HIRA: variants seen among roughly 807,000 people sequenced by gnomAD.
HIRA encodes histone cell cycle regulator, also known as protein HIRA.
In HIRA, 13 loss-of-function variants were observed where a neutral mutation model predicts 126.6. The ratio of observed to expected loss-of-function variants is 0.10; its 90% CI spans 0.07 to 0.16. HIRA has a LOEUF of 0.16. Ranked by LOEUF, HIRA falls within the 10% of genes least tolerant of loss-of-function variation. The pLI is 1.00. For missense variants in HIRA, 834 were observed against 1,314.4 expected (o/e 0.63, Z 5.65); for synonymous variants, 511 against 520.0 (o/e 0.98, Z 0.24).
chr22:19,422,409 CCTCTGGT>C (rs1913302603), intron 1 of HIRA, among the ~76,000 whole-genome samples: 2 of 151,900 alleles, frequency 1.3e-5, no homozygotes, highest in Admixed American at 6.6e-5. Flanking sequence ...CTCCTCCCTC[CCTCTGGT>C]CCCCCACAAC....
At chr22:19,361,502 G>T in intron 16 of HIRA, among the ~76,000 whole-genome samples, 161 bp from the exon 17 acceptor site, 1 of 152,210 alleles carries the variant, frequency 6.6e-6, no homozygotes, top group Admixed American at 6.5e-5. Flanking sequence ...TAACCTCATG[G>T]ACAAGCCAGT....
chr22:19,402,709 A>G (rs1473177301), intron 5 of HIRA, among the ~76,000 whole-genome samples: 4 of 152,210 alleles, frequency 2.6e-5, no homozygotes. Context: ...AAATGACAGC[A>G]CCCATCATTG....
At chr22:19,364,202 A>G (rs2088892058) in intron 15 of HIRA, among the ~76,000 whole-genome samples, 1 of 152,174 alleles carries the variant, frequency 6.6e-6, no homozygotes, top group African/African-American at 2.4e-5. Flanking sequence ...ATGCCATGAT[A>G]ACACTAATCA....
At chr22:19,353,816 G>C (rs1313234483) in intron 22 of HIRA, among the ~76,000 whole-genome samples, 180 bp downstream of exon 22, 1 of 152,190 alleles carries the variant, frequency 6.6e-6, no homozygotes, top group African/African-American at 2.4e-5. Context: ...ACCTGATGCA[G>C]GACCACTACC....
At chr22:19,377,242 A>G (rs901958673) in intron 14 of HIRA, among the ~76,000 whole-genome samples, 2 of 152,084 alleles carry the variant, frequency 1.3e-5, no homozygotes, top group Non-Finnish European at 2.9e-5. Context: ...CCACCAGCCT[A>G]CACACTCCCT....
intron 24 of HIRA, among the ~76,000 whole-genome samples, chr22:19,344,162 G>C (rs2088662138): frequency 6.6e-6 from 1 of 152,062 alleles, no homozygotes; most frequent in African/African-American, 2.4e-5. Flanking sequence ...AAAGCTAGCA[G>C]AAGAAAATAA....
intron 1 of HIRA, among the ~76,000 whole-genome samples, chr22:19,425,393 G>A (rs554904709): frequency 4.6e-5 from 7 of 152,060 alleles, no homozygotes; most frequent in African/African-American, 7.2e-5. Flanking sequence ...CAAACACCCC[G>A]GATGAACAGA....
intron 1 of HIRA, among the ~76,000 whole-genome samples, chr22:19,413,058 G>A (rs527860859): frequency 1.3e-5 from 2 of 152,212 alleles, no homozygotes; most frequent in South Asian, 4.1e-4. Context: ...CTGAGGGGAC[G>A]CACGGCATGG....
chr22:19,385,612 A>AGCT lies in HIRA; in HGVS notation c.1235_1237dup (p.Gln412dup), dbSNP rs746667249. ...CCTGGTCGCAGCACTCTTCTGGTCC[A>AGCT]GCTGCTGCTGCTGCTGCCTTCGCTG... On this transcript the variant is annotated inframe_insertion, in exon 12 of 25. Transcript: ENST00000263208. 23 of 1,614,100 alleles carry AGCT rather than the reference A, an allele frequency of 1.4e-5. No homozygotes were observed. The highest frequency in any genetic ancestry group is 2.7e-5 in the African/African-American group (2 of 75,066).
At chr22:19,391,416 CATGT>C (rs1424079654) in intron 9 of HIRA, among the ~76,000 whole-genome samples, 1 of 151,890 alleles carries the variant, frequency 6.6e-6, no homozygotes, top group Admixed American at 6.6e-5. Flanking sequence ...GGTGTGTAAA[CATGT>C]ATGACAACTC....
intron 1 of HIRA, among the ~76,000 whole-genome samples, chr22:19,422,171 T>TACACACACACACACACACAC (rs763716204): frequency 2.8e-5 from 4 of 143,134 alleles, no homozygotes; most frequent in African/African-American, 1.0e-4. Context: ...TGTTTATATA[T>TACACACACACACACACACAC]ACACACACAC....
Position 19,331,077 on chromosome 22 carries a change from C to A in HIRA, c.*363G>T. The A allele has an allele frequency of 4.4e-6, 5 of 1,138,692 alleles. No homozygotes were observed. In the South Asian group the frequency reaches 4.6e-5, roughly 11 times the overall value. 70.5% of individuals were successfully genotyped at this position (1,138,692 alleles called of 1,614,324 possible). A position where few individuals can be genotyped will look rare whatever the true frequency, so the allele number is the denominator to read the frequency against. On this transcript the variant is annotated 3_prime_UTR_variant, in exon 25 of 25. Transcript: ENST00000263208. ...GATTCTCTCTCACAAATGGCTCAAT[C>A]GTCACTGCTGAAGCAGCATGGTGCC...
At position 19,377,797 on chromosome 22, in the gene HIRA, T is replaced by A; in HGVS notation, c.1613+72A>T. 3.0e-6 allele frequency: 4 copies of A among 1,328,626 alleles called. 1 individual carries two copies. The South Asian group carries it at 5.9e-5, about 20-fold the overall frequency. 82.3% of individuals were successfully genotyped at this position (1,328,626 alleles called of 1,614,324 possible). On this transcript the variant is annotated intron_variant, in intron 14 of 24. Transcript: ENST00000263208. Reference sequence around the variant, plus strand: ...CCACAAAGTGCAAACAGAATAAAATTCTCTGTCCTCAAAACTATGTGCAAA... The same window carrying A: ...CCACAAAGTGCAAACAGAATAAAATACTCTGTCCTCAAAACTATGTGCAAA...
intron 18 of HIRA, among the ~76,000 whole-genome samples, chr22:19,357,471 G>C (rs1458189334): frequency 3.9e-5 from 6 of 152,252 alleles, no homozygotes; most frequent in African/African-American, 1.4e-4. Context: ...GCTAAGAGAA[G>C]TATGGGGATG....
intron 15 of HIRA, among the ~76,000 whole-genome samples, chr22:19,370,253 TTTA>T (rs1374349926): frequency 6.6e-6 from 1 of 151,434 alleles, no homozygotes; most frequent in African/African-American, 2.4e-5. Context: ...CTGTTTTGTT[TTTA>T]TTCTTGTTTT....
Position 19,431,597 on chromosome 22 carries a change from G to T in HIRA, c.-121C>A. Reference sequence around the variant, plus strand: ...CCGCCCTCCGGCCGCCGCCCGCCCCGCGCCCTCAGGGCCGCCGCGCCATCG... The same window carrying T: ...CCGCCCTCCGGCCGCCGCCCGCCCCTCGCCCTCAGGGCCGCCGCGCCATCG... On this transcript the variant is annotated 5_prime_UTR_variant, in exon 1 of 25. Coordinates refer to ENST00000263208, the MANE Select transcript of HIRA (RefSeq NM_003325.4). 1.1e-6 allele frequency: 1 copy of T among 895,996 alleles called. No homozygotes were observed. Among genetic ancestry groups the T allele is most frequent in the Non-Finnish European group, 1.3e-6 (1 of 750,438 alleles). 55.5% of individuals were successfully genotyped at this position (895,996 alleles called of 1,614,324 possible).
intron 12 of HIRA, among the ~76,000 whole-genome samples, chr22:19,384,242 T>G (rs923332240): frequency 4.9e-5 from 7 of 142,020 alleles, no homozygotes; most frequent in Non-Finnish European, 6.0e-5. Context: ...GAGAATCGCC[T>G]GAACCAGGGA....
intron 1 of HIRA, chr22:19,430,401 T>C (rs549832138): frequency 6.6e-6 from 1 of 152,342 alleles, no homozygotes; most frequent in East Asian, 1.9e-4. Flanking sequence ...GTTGTGGTAG[T>C]AGAGAGCATC....
In HIRA at chr22:19,405,654, T is replaced by A. The variant is rs537757146; in HGVS notation, c.397+132A>T. 25 of 856,912 alleles carry A rather than the reference T, an allele frequency of 2.9e-5. No individual in the cohort carries two copies. In the African/African-American group the frequency reaches 4.0e-4, roughly 14 times the overall value. 53.1% of individuals were successfully genotyped at this position (856,912 alleles called of 1,614,324 possible). On this transcript the variant is annotated intron_variant, in intron 5 of 24. Transcript: ENST00000263208. ...TAAGGGACAGGCAGGGTGTGACTGA[T>A]TGTGATGGGGTGGGACAGCCCAGAC...
Sources: allele counts gnomAD v4.1 joint callset (sites outside exome capture counted in the v4.1 genomes callset), GRCh38; gene constraint gnomAD v4.1.1; transcripts MANE v1.5; gene names NCBI Gene and HGNC (gene_info 2026-07-23, HGNC 2026-07-21).